The following LIG1 variants were observed in gnomAD, a reference collection of about 807,000 sequenced individuals.
LIG1 encodes DNA ligase 1.
A neutral mutation model predicts 115.7 loss-of-function variants in LIG1; 70 were observed. That is an observed-to-expected ratio of 0.60 (90% confidence interval 0.50 to 0.74). The LOEUF is 0.74. LIG1 is among the 30% of genes least tolerant of loss of function. The pLI, the probability that LIG1 is intolerant of heterozygous loss-of-function variation, is 0.00. For synonymous variants in LIG1, 487 were observed against 495.3 expected (o/e 0.98, Z 0.22); for missense variants, 1,115 against 1,225.6 (o/e 0.91, Z 1.35).
chr19:48,131,933 CCT>C (rs1491575477), intron 18 of LIG1, among the ~76,000 whole-genome samples: 1 of 137,470 alleles, frequency 7.3e-6, no homozygotes, highest in African/African-American at 2.9e-5. Flanking sequence ...TTGGATCCAC[CCT>C]TTTTTTTTTT....
At chr19:48,133,264 C>T (rs535047406) in intron 17 of LIG1, 167 bp from the exon 18 acceptor site, 4 of 623,352 alleles carry the variant, frequency 6.4e-6, no homozygotes, top group South Asian at 1.8e-5. Context: ...CTGGGGACTA[C>T]AGCCCCCGGC....
chr19:48,144,901 T>A (rs2035019289), intron 9 of LIG1, among the ~76,000 whole-genome samples: 1 of 151,958 alleles, frequency 6.6e-6, no homozygotes, highest in East Asian at 1.9e-4. Flanking sequence ...AGCGCAGCTC[T>A]AGAGACAGTT....
chr19:48,154,503 G>C (rs1280736539), intron 5 of LIG1: 2 of 210,040 alleles, frequency 9.5e-6, no homozygotes, highest in African/African-American at 4.5e-5. Flanking sequence ...CTAAGCTCCA[G>C]CTGCCCAACA....
chr19:48,152,928 GGCT>G (rs1424218590), intron 6 of LIG1, among the ~76,000 whole-genome samples: 1 of 152,160 alleles, frequency 6.6e-6, no homozygotes, highest in Non-Finnish European at 1.5e-5. Context: ...TGGGCGCAGT[GGCT>G]CACGCCTGTA....
At position 48,137,653 on chromosome 19, in the gene LIG1, C is replaced by A. The variant is rs1239820195; in HGVS notation, c.1123G>T (p.Glu375Ter). Residue 375 changes from glutamate to a stop codon, truncating the protein, a stop_gained, in exon 13 of 28, where the codon GAG becomes TAG. Coordinates refer to ENST00000263274, the MANE Select transcript of LIG1 (RefSeq NM_000234.3). LOFTEE classifies it high-confidence loss of function. The surrounding 1 kb of genome is among the most constrained non-coding windows in gnomAD (Gnocchi z 4.3). ...GCCACCAGCCCCACGTCGCCTTTCT[C>A]GGCTGCCTCAGCCCGGACGGACTCC... Reference protein sequence around the residue: ...QLESVRAEAAEKGDVGLVAEN... With the variant: ...QLESVRAEAA 12 of 1,608,044 alleles carry A rather than the reference C, an allele frequency of 7.5e-6. No homozygotes were observed. The highest frequency in any genetic ancestry group is 8.5e-6 in the Non-Finnish European group (10 of 1,179,584).
Position 48,122,895 on chromosome 19 carries a change from C to G in LIG1, c.2232+39G>C, listed in dbSNP as rs773657119. On this transcript the variant is annotated intron_variant, in intron 23 of 27. Coordinates refer to ENST00000263274, the MANE Select transcript of LIG1 (RefSeq NM_000234.3). This position sits in a 1 kb window ranked among gnomAD's most constrained non-coding sequence, Gnocchi z 4.3. Reference sequence around the variant, plus strand: ...TGCCTAGCTGGGACAGACCTCCAGACCCGGGGTGGAGAAGGCCCAGTTGGG... The same window carrying G: ...TGCCTAGCTGGGACAGACCTCCAGAGCCGGGGTGGAGAAGGCCCAGTTGGG... 15 of 1,590,000 alleles carry G rather than the reference C, an allele frequency of 9.4e-6. 1 individual carries two copies. The highest frequency in any genetic ancestry group is 1.7e-4 in the Middle Eastern group (1 of 6,020).
At chr19:48,136,166 C>A in intron 14 of LIG1, 41 bp from the exon 15 acceptor site, 3 of 1,447,900 alleles carry the variant, frequency 2.1e-6, no homozygotes, top group Non-Finnish European at 2.8e-6. Context: ...TTGTCTGCAC[C>A]TCCCCAATCT....
chr19:48,117,279 C>A (rs2032912897), intron 26 of LIG1, among the ~76,000 whole-genome samples: 1 of 151,978 alleles, frequency 6.6e-6, no homozygotes, highest in Non-Finnish European at 1.5e-5. Context: ...CCTGCCTCAG[C>A]CTCCTGGGTA....
rs746737248 is a variant in LIG1, at chr19:48,133,037, C to T, written c.1670G>A (p.Arg557His). The T allele has an allele frequency of 1.4e-5, 23 of 1,614,104 alleles. No homozygotes were observed. Among genetic ancestry groups the T allele is most frequent in the Middle Eastern group, 1.6e-4 (1 of 6,062 alleles). Residue 557 changes from arginine (R) to histidine (H), a missense_variant, in exon 18 of 28, where the codon CGC becomes CAC. Coordinates refer to ENST00000263274, the MANE Select transcript of LIG1 (RefSeq NM_000234.3). ...GCAGGTGAAAGCTGCCTCCTCAAAGCGTTTCAGGACCTCGCTGATGCCCCG... is the reference window on the plus strand; with the variant it reads ...GCAGGTGAAAGCTGCCTCCTCAAAGTGTTTCAGGACCTCGCTGATGCCCCG... ...PTRGISEVLKRFEEAAFTCEY... is the reference protein window; with the variant it reads ...PTRGISEVLKHFEEAAFTCEY...
intron 20 of LIG1, 97 bp downstream of exon 20, chr19:48,127,813 T>A: frequency 3.0e-6 from 3 of 988,066 alleles, no homozygotes; most frequent in Non-Finnish European, 4.9e-6. Flanking sequence ...AGACTGACAC[T>A]CTGCCCTTCT....
chr19:48,149,798 C>T lies in LIG1; in HGVS notation c.741G>A (p.Glu247=). The T allele has an allele frequency of 6.2e-7, 1 of 1,614,146 alleles. No homozygotes were observed. The highest frequency in any genetic ancestry group is 1.1e-5 in the South Asian group (1 of 91,074). The change falls in exon 9 of 28, where the codon GAG becomes GAA. Residue 247 remains glutamate, a synonymous_variant. Coordinates refer to ENST00000263274, the MANE Select transcript of LIG1 (RefSeq NM_000234.3). ...PAVKKEVKEE[E]PGAPGKEGAA... is the part of the protein sequence containing the mutation. ...CTCCCTCCTTTCCTGGAGCCCCTGG[C>T]TCCTCTTCCTTCACTTCTTTTTTGA...
intron 6 of LIG1, 62 bp from the exon 7 acceptor site, chr19:48,151,401 G>T: frequency 2.0e-6 from 2 of 984,946 alleles, no homozygotes; most frequent in South Asian, 2.5e-5. Flanking sequence ...AGGGCATTTT[G>T]ACTCTGGAGA....
intron 5 of LIG1, among the ~76,000 whole-genome samples, chr19:48,155,882 A>G (rs2035800236): frequency 2.6e-5 from 4 of 152,210 alleles, no homozygotes; most frequent in Admixed American, 2.6e-4. Flanking sequence ...GTCTTTACGC[A>G]CTGAATCACA....
chr19:48,141,623 C>G (rs1280003704), intron 11 of LIG1, among the ~76,000 whole-genome samples: 1 of 152,178 alleles, frequency 6.6e-6, no homozygotes, highest in African/African-American at 2.4e-5. Flanking sequence ...TCCCAGCCAC[C>G]AAGCTGCACC....
intron 16 of LIG1, 42 bp downstream of exon 16, chr19:48,135,638 G>T: frequency 6.7e-7 from 1 of 1,487,116 alleles, no homozygotes; most frequent in Non-Finnish European, 9.4e-7. Context: ...CTGGCACTCT[G>T]CCCACAGCCC....
intron 9 of LIG1, chr19:48,147,545 T>C (rs755541548): frequency 6.7e-6 from 1 of 149,612 alleles, no homozygotes; most frequent in Admixed American, 6.7e-5. Flanking sequence ...TGGTGGTACA[T>C]GCCTGTAGTT....
chr19:48,135,775 GA>G lies in LIG1; in HGVS notation c.1427del (p.Phe476SerfsTer26). On this transcript the variant is annotated frameshift_variant, in exon 16 of 28. Coordinates refer to ENST00000263274, the MANE Select transcript of LIG1 (RefSeq NM_000234.3). LOFTEE classifies it high-confidence loss of function. ...TCCCAGCATCCACCATGGCTGGTGG[GA>G]ATTCTAAGAAAAGACCCACCAGAGG... ...AVSLTPPGQE[F>X]PPAMVDAGKG... 1 of 1,613,654 alleles carries G rather than the reference GA, an allele frequency of 6.2e-7. No individual in the cohort carries two copies. The highest frequency in any genetic ancestry group is 8.5e-7 in the Non-Finnish European group (1 of 1,179,556).
At position 48,137,713 on chromosome 19, in the gene LIG1, G is replaced by T. The variant is rs1481172774; in HGVS notation, c.1088-25C>A. The T allele has an allele frequency of 6.3e-7, 1 of 1,599,710 alleles. No homozygotes were observed. Among genetic ancestry groups the T allele is most frequent in the Non-Finnish European group, 8.5e-7 (1 of 1,179,504 alleles). ...CCTTCAGGGGAGAGCGCGGGTGGGG[G>T]TGTCGAGGGTGACAGTTGTGGCTGC... On this transcript the variant is annotated intron_variant, in intron 12 of 27. Transcript: ENST00000263274. The surrounding 1 kb of genome is among the most constrained non-coding windows in gnomAD (Gnocchi z 4.3).
At chr19:48,116,733 G>A (rs2032866699) in intron 26 of LIG1, among the ~76,000 whole-genome samples, 1 of 152,216 alleles carries the variant, frequency 6.6e-6, no homozygotes, top group South Asian at 2.1e-4. Flanking sequence ...TGACCACACA[G>A]TGCCCACTGC....
Sources: gnomAD v4.1 joint callset for allele counts (sites outside exome capture counted in the v4.1 genomes callset) on GRCh38, gnomAD v4.1.1 for gene constraint, Gnocchi (gnomAD v3.1) non-coding constraint, MANE v1.5 for transcripts, NCBI Gene and HGNC (gene_info 2026-07-23, HGNC 2026-07-21) for gene names.